GRM7: variants seen among roughly 807,000 people sequenced by gnomAD.
GRM7 encodes metabotropic glutamate receptor 7.
GRM7 carries 35 observed loss-of-function variants against 84.5 expected under a neutral mutation model. That is an observed-to-expected ratio of 0.41 (90% CI 0.32 to 0.55). The LOEUF (loss-of-function observed/expected upper bound fraction) is 0.55, where lower values mean the gene tolerates loss of function less well. Ranked by LOEUF, GRM7 falls within the 20% of genes least tolerant of loss-of-function variation. GRM7 has a pLI of 0.19. For synonymous variants in GRM7, 487 were observed against 455.1 expected, an observed-to-expected ratio of 1.07 and a Z score of -0.89; for missense variants, 1,003 against 1,194.6, an observed-to-expected ratio of 0.84 and a Z score of 2.36.
chr3:7,323,287 G>A lies in GRM7; in HGVS notation c.1033+16635G>A, dbSNP rs150771066. 5.3e-5 allele frequency among the ~76,000 whole-genome samples: 8 copies of A among 152,212 alleles called. No individual in the cohort carries two copies. In the East Asian group the frequency reaches 1.5e-3, roughly 29 times the overall value. Reference sequence around the variant, plus strand: ...TAGTGCATCTTTTTTAGGAGTAAGAGGGGAAAGGCACAATAACTACTTTTA... The same window carrying A: ...TAGTGCATCTTTTTTAGGAGTAAGAAGGGAAAGGCACAATAACTACTTTTA... On this transcript the variant is annotated intron_variant, in intron 4 of 9. Coordinates refer to ENST00000357716, the MANE Select transcript of GRM7 (RefSeq NM_000844.4).
At chr3:7,579,638 A>G (rs141996097) in intron 8 of GRM7, among the ~76,000 whole-genome samples, 42 of 152,352 alleles carry the variant, frequency 2.8e-4, no homozygotes, top group African/African-American at 9.4e-4. Flanking sequence ...AAAATTATCT[A>G]TCTAAAATAA....
intron 8 of GRM7, among the ~76,000 whole-genome samples, chr3:7,583,892 A>G (rs188067774): frequency 6.6e-6 from 1 of 152,202 alleles, no homozygotes; most frequent in Non-Finnish European, 1.5e-5. Flanking sequence ...TGATGCAGAG[A>G]TAAAACAGTG....
chr3:7,199,694 T>G (rs148999022), intron 2 of GRM7, among the ~76,000 whole-genome samples: 5 of 152,308 alleles, frequency 3.3e-5, no homozygotes, highest in African/African-American at 1.2e-4. Context: ...AATGTCCCCC[T>G]CAAATAATTT....
At chr3:7,557,572 A>G (rs1262675908) in intron 7 of GRM7, among the ~76,000 whole-genome samples, 1 of 152,122 alleles carries the variant, frequency 6.6e-6, no homozygotes, top group East Asian at 1.9e-4. Flanking sequence ...TCAACTTCCA[A>G]GTCAGACACT....
At chr3:6,908,007 A>T (rs529101208) in intron 1 of GRM7, among the ~76,000 whole-genome samples, 1 of 152,298 alleles carries the variant, frequency 6.6e-6, no homozygotes, top group East Asian at 1.9e-4. Context: ...AGGAAAGAAG[A>T]TTACATATAC....
At chr3:7,328,790 A>G (rs1325494990) in intron 4 of GRM7, among the ~76,000 whole-genome samples, 1 of 124,582 alleles carries the variant, frequency 8.0e-6, no homozygotes, top group East Asian at 2.5e-4. Context: ...TAAACCCCTC[A>G]CAGGTGATTT....
intron 2 of GRM7, among the ~76,000 whole-genome samples, chr3:7,162,197 G>A (rs1340368719): frequency 6.6e-6 from 1 of 152,106 alleles, no homozygotes; most frequent in Admixed American, 6.5e-5. Context: ...AGAGTTAAGA[G>A]GGGAAGTCCA....
rs538384265 is a variant in GRM7 at position 7,568,675 on chromosome 3, G to A, written c.1516-9747G>A. Among the ~76,000 whole-genome samples, 42 of 152,220 alleles carry A rather than the reference G, an allele frequency of 2.8e-4. No individual in the cohort carries two copies. The South Asian group carries it at 6.2e-3, about 23-fold the overall frequency. ...GAGTTTTGGTGGGTGTGGGCTCGGC[G>A]GCCCAGCACTCAGAGCAGCGGGCCG... is the stretch of plus-strand genomic sequence containing the variant. On this transcript the variant is annotated intron_variant, in intron 7 of 9. Coordinates refer to ENST00000357716, the MANE Select transcript of GRM7 (RefSeq NM_000844.4).
At chr3:7,101,735 A>G (rs1038732106) in intron 1 of GRM7, among the ~76,000 whole-genome samples, 1 of 149,138 alleles carries the variant, frequency 6.7e-6, no homozygotes, top group Admixed American at 6.7e-5. Flanking sequence ...ATATCTACAG[A>G]GAGAGCTTTA....
At chr3:7,335,284 C>A (rs59511169) in intron 4 of GRM7, among the ~76,000 whole-genome samples, 6,014 of 151,936 alleles carry the variant, frequency 0.04, 247 homozygotes, top group African/African-American at 0.11. Context: ...GCAAATTATG[C>A]AAATTAAGTA....
intron 1 of GRM7, among the ~76,000 whole-genome samples, chr3:6,968,715 GGAGA>G (rs1203615154): frequency 6.6e-6 from 1 of 152,100 alleles, no homozygotes; most frequent in Admixed American, 6.5e-5. Flanking sequence ...TTTGGGCTCA[GGAGA>G]GTTTTTTATT....
rs375035491 is a variant in GRM7, at chr3:6,935,677, A to AAATATTATT, written c.519+73771_519+73772insATATTATTA. ...CTTTGATTTCTGTTTCTTATTTTTA[A>AAATATTATT]ATTATTATTATTATTATTATTATTA... On this transcript the variant is annotated intron_variant, in intron 1 of 9. Transcript: ENST00000357716. Among the ~76,000 whole-genome samples, 1,329 of 142,444 alleles carry AAATATTATT rather than the reference A, an allele frequency of 9.3e-3. 7 individuals are homozygous for AAATATTATT. The highest frequency in any genetic ancestry group is 0.025 in the South Asian group (112 of 4,472). The allele number at this position is 142,444 out of a possible 152,430, so 93.4% of individuals were successfully genotyped here.
At chr3:7,236,551 G>A (rs188067031) in intron 2 of GRM7, among the ~76,000 whole-genome samples, 25 of 152,138 alleles carry the variant, frequency 1.6e-4, no homozygotes, top group African/African-American at 2.7e-4. Flanking sequence ...AGAATGTGGC[G>A]GAAGTAGACA....
chr3:7,263,644 G>A (rs980381313), intron 2 of GRM7, among the ~76,000 whole-genome samples: 8 of 152,182 alleles, frequency 5.3e-5, no homozygotes, highest in South Asian at 4.1e-4. Context: ...CGCCCTCTGT[G>A]TGCATTCATG....
intron 1 of GRM7, among the ~76,000 whole-genome samples, chr3:6,993,400 G>A (rs1400424873): frequency 6.6e-6 from 1 of 152,170 alleles, no homozygotes; most frequent in Non-Finnish European, 1.5e-5. Context: ...ACCATGTTAT[G>A]GCATTCCCAG....
At chr3:6,894,822 C>A (rs1574982549) in intron 1 of GRM7, among the ~76,000 whole-genome samples, 1 of 152,060 alleles carries the variant, frequency 6.6e-6, no homozygotes, top group South Asian at 2.1e-4. Context: ...ATTAAACATG[C>A]AGTTGTAGAG....
At position 6,940,167 on chromosome 3, in the gene GRM7, C is replaced by T. The variant is rs146930838; in HGVS notation, c.519+78260C>T. ...AATGCAGTGGCACAATCGTGGCTCA[C>T]TGCAGACTCCGCCTCCCGGGTTCAA... On this transcript the variant is annotated intron_variant, in intron 1 of 9. Coordinates refer to ENST00000357716, the MANE Select transcript of GRM7 (RefSeq NM_000844.4). Among the ~76,000 whole-genome samples the T allele has an allele frequency of 1.7e-3, 266 of 152,262 alleles. 3 individuals are homozygous for T. The highest frequency in any genetic ancestry group is 5.8e-3 in the African/African-American group (239 of 41,544).
intron 1 of GRM7, among the ~76,000 whole-genome samples, chr3:6,980,906 A>G (rs1210482022): frequency 6.6e-6 from 1 of 152,224 alleles, no homozygotes; most frequent in Non-Finnish European, 1.5e-5. Context: ...TAACCCATCC[A>G]ATGTAAACTG....
intron 7 of GRM7, among the ~76,000 whole-genome samples, chr3:7,562,762 G>A (rs896976490): frequency 3.9e-5 from 6 of 152,032 alleles, no homozygotes; most frequent in Non-Finnish European, 1.5e-5. Context: ...AAATCAAGGA[G>A]GCCTCATTTT....
Sources: allele counts gnomAD v4.1 joint callset (sites outside exome capture counted in the v4.1 genomes callset), GRCh38; gene constraint gnomAD v4.1.1; transcripts MANE v1.5; gene names NCBI Gene and HGNC (gene_info 2026-07-23, HGNC 2026-07-21).